Variants in KIAA1328 observed in about 807,000 individuals in gnomAD.
The protein encoded by KIAA1328 is protein hinderin.
A neutral mutation model predicts 68.1 loss-of-function variants in KIAA1328; 52 were observed. The ratio of observed to expected loss-of-function variants is 0.76; its 90% CI spans 0.61 to 0.96. The LOEUF is 0.96. KIAA1328 is among the 40% of genes least tolerant of loss of function. The pLI is 0.00. For synonymous variants in KIAA1328, 232 were observed against 239.4 expected, an observed-to-expected ratio of 0.97 and a Z score of 0.28; for missense variants, 641 against 677.6, an observed-to-expected ratio of 0.95 and a Z score of 0.60.
intron 5 of KIAA1328, among the ~76,000 whole-genome samples, chr18:36,934,470 C>A (rs1487600831): frequency 1.3e-5 from 2 of 152,128 alleles, no homozygotes; most frequent in African/African-American, 4.8e-5. Flanking sequence ...CTCCCTCCAC[C>A]CCACAACAGT....
chr18:36,970,756 C>A (rs2052166251), intron 6 of KIAA1328, among the ~76,000 whole-genome samples: 1 of 152,050 alleles, frequency 6.6e-6, no homozygotes, highest in Admixed American at 6.6e-5. Context: ...ATGTGAAGGA[C>A]CTCTTCAAGG....
At chr18:37,168,742 G>A (rs957508415) in intron 8 of KIAA1328, among the ~76,000 whole-genome samples, 1 of 152,146 alleles carries the variant, frequency 6.6e-6, no homozygotes, top group Non-Finnish European at 1.5e-5. Context: ...AGGCAAGAAG[G>A]AATTGTGACT....
chr18:36,871,996 G>T (rs766954672), intron 4 of KIAA1328, among the ~76,000 whole-genome samples: 1 of 152,116 alleles, frequency 6.6e-6, no homozygotes, highest in Admixed American at 6.5e-5. Context: ...AATCTTGCTC[G>T]ATGCCTGGGG....
intron 9 of KIAA1328, among the ~76,000 whole-genome samples, chr18:37,184,265 A>G (rs1175460678): frequency 6.6e-6 from 1 of 152,038 alleles, no homozygotes; most frequent in African/African-American, 2.4e-5. Flanking sequence ...ATTTTCTCCT[A>G]TTTTAAGGTT....
intron 6 of KIAA1328, among the ~76,000 whole-genome samples, chr18:37,003,495 A>G (rs1279766696): frequency 6.6e-6 from 1 of 152,082 alleles, no homozygotes; most frequent in Non-Finnish European, 1.5e-5. Context: ...CGCAGGAAAA[A>G]AACTTGTATT....
At chr18:36,882,616 A>G (rs981399849) in intron 4 of KIAA1328, among the ~76,000 whole-genome samples, 5 of 152,208 alleles carry the variant, frequency 3.3e-5, no homozygotes, top group African/African-American at 1.2e-4. Context: ...GGATAGTCAA[A>G]TCATAGCAGC....
chr18:37,192,167 G>GTA (rs973128293), intron 9 of KIAA1328, among the ~76,000 whole-genome samples: 2 of 151,578 alleles, frequency 1.3e-5, no homozygotes, highest in Non-Finnish European at 2.9e-5. Context: ...GTGTGTGTGT[G>GTA]TGTGTGTGTA....
chr18:37,200,340 A>C (rs1452170788), intron 9 of KIAA1328, among the ~76,000 whole-genome samples: 1 of 152,184 alleles, frequency 6.6e-6, no homozygotes, highest in African/African-American at 2.4e-5. Flanking sequence ...ATAGTGATTG[A>C]CTATACATTG....
At chr18:36,913,110 T>C (rs2049522615) in intron 5 of KIAA1328, among the ~76,000 whole-genome samples, 1 of 152,186 alleles carries the variant, frequency 6.6e-6, no homozygotes, top group African/African-American at 2.4e-5. Context: ...GCCTGTTTCC[T>C]GCCTGTGGTA....
intron 6 of KIAA1328, among the ~76,000 whole-genome samples, chr18:37,058,208 G>A (rs957711033): frequency 1.3e-5 from 2 of 152,090 alleles, no homozygotes; most frequent in Non-Finnish European, 2.9e-5. Flanking sequence ...GTGATTAGCT[G>A]TCTCTCAGAG....
In KIAA1328 at chr18:37,064,540, C is replaced by A. The variant is rs530492496; in HGVS notation, c.577-2350C>A. Among the ~76,000 whole-genome samples the A allele has an allele frequency of 3.1e-4, 44 of 141,220 alleles. 2 individuals carry two copies. The highest frequency in any genetic ancestry group is 9.9e-4 in the African/African-American group (38 of 38,334). The allele number at this position is 141,220 out of a possible 152,430, so 92.6% of individuals were successfully genotyped here. A position where few individuals can be genotyped will look rare whatever the true frequency, so the allele number is the denominator to read the frequency against. On this transcript the variant is annotated intron_variant, in intron 6 of 9. Coordinates refer to ENST00000280020, the MANE Select transcript of KIAA1328 (RefSeq NM_020776.3). ...TAGGCATGGTAGACTGAAAGTACCC[C>A]CCCCCCCAAATATGACCATGTCTTA...
At chr18:37,040,599 T>A (rs2055206470) in intron 6 of KIAA1328, among the ~76,000 whole-genome samples, 1 of 152,000 alleles carries the variant, frequency 6.6e-6, no homozygotes, top group African/African-American at 2.4e-5. Flanking sequence ...TCCTGCTTGC[T>A]TTGGTTTCAC....
intron 4 of KIAA1328, among the ~76,000 whole-genome samples, chr18:36,856,666 G>A (rs2047394160): frequency 6.6e-6 from 1 of 152,026 alleles, no homozygotes; most frequent in Non-Finnish European, 1.5e-5. Context: ...CAATATGTAA[G>A]CTATCTCAAT....
intron 5 of KIAA1328, among the ~76,000 whole-genome samples, chr18:36,958,735 A>G (rs2051526890): frequency 6.6e-6 from 1 of 152,128 alleles, no homozygotes; most frequent in South Asian, 2.1e-4. Context: ...TCTGGACACA[A>G]ATTCTTTACC....
intron 7 of KIAA1328, among the ~76,000 whole-genome samples, chr18:37,134,222 A>C (rs951037482): frequency 2.0e-5 from 3 of 152,168 alleles, no homozygotes; most frequent in Admixed American, 2.0e-4. Context: ...CATGTTGTCC[A>C]GGCTGGTCTC....
chr18:37,112,768 T>C (rs1599312841), intron 7 of KIAA1328, among the ~76,000 whole-genome samples: 12 of 152,076 alleles, frequency 7.9e-5, no homozygotes, highest in Admixed American at 7.9e-4. Flanking sequence ...TGAAAAAAGA[T>C]TGGATGAGTG....
At chr18:36,903,336 G>T (rs2049103769) in intron 5 of KIAA1328, among the ~76,000 whole-genome samples, 1 of 151,996 alleles carries the variant, frequency 6.6e-6, no homozygotes, top group South Asian at 2.1e-4. Flanking sequence ...AAATACAATG[G>T]AAAAAATCAG....
chr18:36,926,874 G>A (rs978485145), intron 5 of KIAA1328, among the ~76,000 whole-genome samples: 4 of 152,110 alleles, frequency 2.6e-5, no homozygotes, highest in Non-Finnish European at 4.4e-5. Flanking sequence ...GCATTGTCCC[G>A]GCATCTGCTT....
At chr18:37,175,741 C>T (rs1049294846) in intron 9 of KIAA1328, among the ~76,000 whole-genome samples, 1 of 152,138 alleles carries the variant, frequency 6.6e-6, no homozygotes, top group Non-Finnish European at 1.5e-5. Context: ...ATATCAGTCA[C>T]ATGCAAACTC....
Sources: allele counts gnomAD v4.1 joint callset (sites outside exome capture counted in the v4.1 genomes callset), GRCh38; gene constraint gnomAD v4.1.1; transcripts MANE v1.5; gene names NCBI Gene and HGNC (gene_info 2026-07-23, HGNC 2026-07-21).